TLL1: variants seen among roughly 807,000 people sequenced by gnomAD.
TLL1 encodes the protein tolloid-like protein 1.
In TLL1, 49 loss-of-function variants were observed where a neutral mutation model predicts 128.2. That is an observed-to-expected ratio of 0.38 (90% CI 0.30 to 0.48). The LOEUF is 0.48. TLL1 is among the 20% of genes least tolerant of loss of function. The probability of loss-of-function intolerance (pLI) is 0.96; values close to 1 mark genes in which losing one functional copy is unlikely to be tolerated. For missense variants in TLL1, 1,123 were observed against 1,242.0 expected (o/e 0.90, Z 1.44); for synonymous variants, 454 against 418.8 (o/e 1.08, Z -1.03).
chr4:165,974,153 T>TTTTTTG (rs1735765146), intron 1 of TLL1, among the ~76,000 whole-genome samples: 1 of 117,836 alleles, frequency 8.5e-6, no homozygotes, highest in Non-Finnish European at 1.6e-5. Flanking sequence ...TTTTTTTTTT[T>TTTTTTG]TTTTTGAGAC....
At chr4:166,010,771 T>A (rs1305601722) in intron 7 of TLL1, among the ~76,000 whole-genome samples, 1 of 151,216 alleles carries the variant, frequency 6.6e-6, no homozygotes, top group Non-Finnish European at 1.5e-5. Context: ...AGAAGTTGTA[T>A]AGTTTGGGTC....
At chr4:166,072,554 CTCTT>C (rs1198709314) in intron 16 of TLL1, among the ~76,000 whole-genome samples, 1 of 151,582 alleles carries the variant, frequency 6.6e-6, no homozygotes, top group Non-Finnish European at 1.5e-5. Context: ...AATTTTATCT[CTCTT>C]TAGTTACTAT....
At position 165,995,137 on chromosome 4, in the gene TLL1, T is replaced by G; in HGVS notation, c.591T>G (p.Ser197Arg). The G allele has an allele frequency of 6.2e-7, 1 of 1,613,886 alleles. No homozygotes were observed. Among genetic ancestry groups the G allele is most frequent in the African/African-American group, 1.3e-5 (1 of 74,990 alleles). ...KHTCVTFIERSDEESYIVFTY... is the reference protein window; with the variant it reads ...KHTCVTFIERRDEESYIVFTY... ...CATGTGTGACTTTCATAGAAAGAAG[T>G]GATGAAGAGAGTTACATTGTATTCA... is the stretch of plus-strand genomic sequence containing the variant. The change falls in exon 5 of 21, where the codon AGT becomes AGG. Residue 197 changes from serine (S) to arginine (R), a missense_variant. Transcript: ENST00000061240.
chr4:166,008,456 A>C (rs1160552281), intron 7 of TLL1, among the ~76,000 whole-genome samples: 1 of 151,548 alleles, frequency 6.6e-6, no homozygotes, highest in East Asian at 1.9e-4. Context: ...AAAATGTCAC[A>C]ATCTAGGCGA....
intron 1 of TLL1, among the ~76,000 whole-genome samples, chr4:165,883,501 TC>T (rs2110815715): frequency 6.6e-6 from 1 of 152,292 alleles, no homozygotes; most frequent in African/African-American, 2.4e-5. Flanking sequence ...TCATTACATT[TC>T]TGTTTTTTGA....
chr4:165,945,648 C>T (rs1185444656), intron 1 of TLL1, among the ~76,000 whole-genome samples: 2 of 151,934 alleles, frequency 1.3e-5, no homozygotes, highest in Admixed American at 1.3e-4. Flanking sequence ...ATATAAAGAA[C>T]TGTATAAATG....
chr4:166,044,305 T>TA (rs1393163496), intron 12 of TLL1: 30 of 1,452,926 alleles, frequency 2.1e-5, no homozygotes, highest in Non-Finnish European at 2.7e-5. Flanking sequence ...TAATGAGCAC[T>TA]ATGAACACTA....
chr4:166,100,697 G>A lies in TLL1; in HGVS notation c.2908-45G>A, dbSNP rs200512553. On this transcript the variant is annotated intron_variant, in intron 20 of 20. Transcript: ENST00000061240. ...CGTTACACTGAAGAAAAAGTGATTC[G>A]TTTTATTGCTTGTTTACTTGCTTGT... 17 of 1,610,476 alleles carry A rather than the reference G, an allele frequency of 1.1e-5. No individual in the cohort carries two copies. The Admixed American group carries it at 1.3e-4, about 13-fold the overall frequency.
chr4:165,946,499 ATT>A (rs59178153), intron 1 of TLL1, among the ~76,000 whole-genome samples: 8,598 of 128,834 alleles, frequency 0.067, 578 homozygotes, highest in African/African-American at 0.22. Context: ...TACCCAGCTA[ATT>A]TTTTTTTTTT....
At chr4:165,907,768 G>A (rs1242059094) in intron 1 of TLL1, among the ~76,000 whole-genome samples, 1 of 152,104 alleles carries the variant, frequency 6.6e-6, no homozygotes, top group Non-Finnish European at 1.5e-5. Context: ...GGCCAGTCTC[G>A]AACTCCTGAC....
intron 1 of TLL1, among the ~76,000 whole-genome samples, chr4:165,959,815 C>T (rs1735005470): frequency 6.6e-6 from 1 of 151,986 alleles, no homozygotes; most frequent in African/African-American, 2.4e-5. Context: ...CACAACATAC[C>T]TAAATCTTTG....
intron 8 of TLL1, among the ~76,000 whole-genome samples, chr4:166,021,905 G>A (rs1044063413): frequency 6.6e-6 from 1 of 152,140 alleles, no homozygotes; most frequent in African/African-American, 2.4e-5. Flanking sequence ...AATGAGAAAA[G>A]CTTCCTGGAG....
At chr4:165,974,509 A>G (rs563849967) in intron 1 of TLL1, among the ~76,000 whole-genome samples, 1 of 152,172 alleles carries the variant, frequency 6.6e-6, no homozygotes, top group Admixed American at 6.5e-5. Flanking sequence ...CGAGAAGGTT[A>G]TCTGGCTTTC....
At chr4:166,007,600 A>G (rs1300839818) in intron 6 of TLL1, among the ~76,000 whole-genome samples, 1 of 151,806 alleles carries the variant, frequency 6.6e-6, no homozygotes, top group Non-Finnish European at 1.5e-5. Context: ...AGATAAAAAC[A>G]TAACTTTGTG....
rs372663924 is a variant in TLL1, at chr4:166,042,028, T to G, written c.1263T>G (p.Gly421=). 6.2e-7 allele frequency: 1 copy of G among 1,604,332 alleles called. No homozygotes were observed. The highest frequency in any genetic ancestry group is 1.3e-5 in the African/African-American group (1 of 74,680). Residue 421 remains glycine, a splice_region_variant and synonymous_variant, in exon 11 of 21, where the codon GGT becomes GGG. Transcript: ENST00000061240. ...TCTTTATTCTTTTATTTCTTTTAGGTAGATTCTGTGGGGACAAATTGCCTG... is the reference window on the plus strand; with the variant it reads ...TCTTTATTCTTTTATTTCTTTTAGGGAGATTCTGTGGGGACAAATTGCCTG... ...DGYWRKSPLL[G]RFCGDKLPEV... is the part of the protein sequence containing the mutation.
intron 1 of TLL1, among the ~76,000 whole-genome samples, chr4:165,955,467 A>T (rs1734740365): frequency 6.6e-6 from 1 of 152,056 alleles, no homozygotes; most frequent in Admixed American, 6.6e-5. Context: ...GCATAAAATG[A>T]TTCATTTAAA....
chr4:166,072,079 C>G (rs1415382840), intron 16 of TLL1, among the ~76,000 whole-genome samples: 1 of 151,958 alleles, frequency 6.6e-6, no homozygotes, highest in Non-Finnish European at 1.5e-5. Context: ...CACAGTTTTA[C>G]ATGCTGCATT....
chr4:166,039,506 G>A (rs1033715045), intron 10 of TLL1, 65 bp downstream of exon 10: 21 of 1,155,796 alleles, frequency 1.8e-5, no homozygotes, highest in East Asian at 2.4e-5. Flanking sequence ...AAAACCAACC[G>A]ATTCTCTCAA....
chr4:165,987,259 A>T (rs946603543), intron 1 of TLL1, among the ~76,000 whole-genome samples: 1 of 152,138 alleles, frequency 6.6e-6, no homozygotes, highest in Non-Finnish European at 1.5e-5. Context: ...GTTTCATATA[A>T]CTAGTCAACT....
Sources: gnomAD v4.1 joint callset for allele counts (sites outside exome capture counted in the v4.1 genomes callset) on GRCh38, gnomAD v4.1.1 for gene constraint, MANE v1.5 for transcripts, NCBI Gene and HGNC (gene_info 2026-07-23, HGNC 2026-07-21) for gene names.